The following AFG3L2 variants were observed in gnomAD, a reference collection of about 807,000 sequenced individuals.
AFG3L2 encodes mitochondrial inner membrane m-AAA protease component AFG3L2.
In AFG3L2, 54 loss-of-function variants were observed where a neutral mutation model predicts 94.5. The observed-to-expected ratio is 0.57, with a 90% CI of 0.46 to 0.72. The LOEUF is 0.72. AFG3L2 is among the 30% of genes least tolerant of loss of function. AFG3L2 has a pLI of 0.00. For synonymous variants in AFG3L2, 377 were observed against 365.5 expected, an observed-to-expected ratio of 1.03 and a Z score of -0.36; for missense variants, 754 against 994.9, an observed-to-expected ratio of 0.76 and a Z score of 3.26.
intron 13 of AFG3L2, 176 bp from the exon 14 acceptor site, chr18:12,344,423 C>T (rs1908058828): frequency 4.8e-6 from 3 of 618,758 alleles, no homozygotes; most frequent in Non-Finnish European, 8.9e-6. Context: ...GCCTGTAATC[C>T]CAGCACTTTG....
At chr18:12,375,983 AAAAAAT>A (rs917333419) in intron 1 of AFG3L2, among the ~76,000 whole-genome samples, 2 of 152,160 alleles carry the variant, frequency 1.3e-5, no homozygotes, top group African/African-American at 2.4e-5. Flanking sequence ...CCCGTCTCTT[AAAAAAT>A]AAAAATAAAA....
rs370562426 is a variant in AFG3L2, at chr18:12,351,349, G to A, written c.1383C>T (p.Pro461=). ...CGAAACGCCCCGGCCTAAGCAGCGC[G>A]GGGTCCAGGATATCTGGTCGATTGG... ...AGTNRPDILD[P]ALLRPGRFDR... The change falls in exon 11 of 17, where the codon CCC becomes CCT. Residue 461 remains proline, a synonymous_variant. Transcript: ENST00000269143. The A allele has an allele frequency of 2.1e-5, 34 of 1,613,946 alleles. No individual in the cohort carries two copies. The highest frequency in any genetic ancestry group is 8.0e-5 in the African/African-American group (6 of 74,890).
At chr18:12,332,223 A>C in intron 16 of AFG3L2, among the ~76,000 whole-genome samples, 1 of 148,920 alleles carries the variant, frequency 6.7e-6, no homozygotes. Flanking sequence ...TCCCAGGTTC[A>C]AGTGATTCTC....
rs548985083 is a variant in AFG3L2 at position 12,371,249 on chromosome 18, G to A, written c.215-323C>T. 2.0e-5 allele frequency among the ~76,000 whole-genome samples: 3 copies of A among 151,772 alleles called. No individual in the cohort carries two copies. In the South Asian group the frequency reaches 6.2e-4, roughly 32 times the overall value. ...GAATCGCTTGAACCCAGAAGGCGGA[G>A]GTTGCAGTACGCCAAGATCGCACTA... On this transcript the variant is annotated intron_variant, in intron 2 of 16. Coordinates refer to ENST00000269143, the MANE Select transcript of AFG3L2 (RefSeq NM_006796.3).
chr18:12,344,332 CT>C, intron 13 of AFG3L2, 85 bp from the exon 14 acceptor site: 2 of 1,156,338 alleles, frequency 1.7e-6, no homozygotes, highest in Non-Finnish European at 1.3e-6. Flanking sequence ...TATACATTGC[CT>C]TACCTAAAAT....
chr18:12,337,305 A>G (rs1907778060), intron 16 of AFG3L2, 36 bp downstream of exon 16: 1 of 1,601,154 alleles, frequency 6.2e-7, no homozygotes, highest in Non-Finnish European at 8.6e-7. Flanking sequence ...TTTTTTTGCA[A>G]AACTGTAAAG....
chr18:12,353,257 G>A (rs984699299), intron 9 of AFG3L2, 99 bp from the exon 10 acceptor site: 2 of 1,442,678 alleles, frequency 1.4e-6, no homozygotes, highest in Non-Finnish European at 1.9e-6. Context: ...GCTCATGCCT[G>A]TAATCCCAGC....
Position 12,337,546 on chromosome 18 carries a change from CATA to C in AFG3L2, c.1981-14_1981-12del. The C allele has an allele frequency of 6.2e-7, 1 of 1,613,402 alleles. No homozygotes were observed. On this transcript the variant is annotated splice_polypyrimidine_tract_variant and intron_variant, in intron 15 of 16. Transcript: ENST00000269143. Reference sequence around the variant, plus strand: ...GCCAAACTGAACAATCTGAAAAATACATAATTAGTGGTGATTACATATGATTGT... The same window carrying C: ...GCCAAACTGAACAATCTGAAAAATACATTAGTGGTGATTACATATGATTGT...
At chr18:12,359,729 G>A (rs963431224) in intron 7 of AFG3L2, among the ~76,000 whole-genome samples, 198 bp downstream of exon 7, 3 of 151,490 alleles carry the variant, frequency 2.0e-5, no homozygotes, top group African/African-American at 4.9e-5. Context: ...GCGACAGAGC[G>A]AAACCCCACC....
At chr18:12,336,080 G>A (rs191113950) in intron 16 of AFG3L2, among the ~76,000 whole-genome samples, 25 of 152,238 alleles carry the variant, frequency 1.6e-4, no homozygotes, top group Middle Eastern at 3.4e-3. Context: ...AGCTAGCTTC[G>A]GGAGGAATTT....
At chr18:12,334,792 A>G (rs1001200766) in intron 16 of AFG3L2, among the ~76,000 whole-genome samples, 2 of 152,126 alleles carry the variant, frequency 1.3e-5, no homozygotes, top group Non-Finnish European at 2.9e-5. Flanking sequence ...TCCTGAAATG[A>G]TCTTTTCATC....
chr18:12,351,545 T>G (rs1368398156), intron 10 of AFG3L2, 132 bp from the exon 11 acceptor site: 4 of 842,042 alleles, frequency 4.8e-6, no homozygotes, highest in Non-Finnish European at 7.7e-6. Context: ...ATCTAGTGTT[T>G]TTTGTTTTTT....
chr18:12,339,926 A>AG (rs1907891733), intron 15 of AFG3L2, among the ~76,000 whole-genome samples: 1 of 151,880 alleles, frequency 6.6e-6, no homozygotes, highest in Non-Finnish European at 1.5e-5. Flanking sequence ...AGGCTGAGGC[A>AG]GGACAATCAC....
intron 5 of AFG3L2, 150 bp downstream of exon 5, chr18:12,366,815 C>T: frequency 9.2e-7 from 1 of 1,086,006 alleles, no homozygotes; most frequent in East Asian, 2.4e-5. Context: ...TCTCTAGTTG[C>T]AGTACTTCTC....
At chr18:12,335,342 T>A (rs1907707298) in intron 16 of AFG3L2, among the ~76,000 whole-genome samples, 1 of 152,196 alleles carries the variant, frequency 6.6e-6, no homozygotes, top group Admixed American at 6.5e-5. Context: ...CATGCGTAAC[T>A]GACATCCCTC....
rs1224287253 is a variant in AFG3L2, at chr18:12,329,165, T to C, written c.*400A>G. On this transcript the variant is annotated 3_prime_UTR_variant, in exon 17 of 17. Coordinates refer to ENST00000269143, the MANE Select transcript of AFG3L2 (RefSeq NM_006796.3). ...TCACAGCCCATCTGCACAGGGGAAC[T>C]GAGGAGAAACAGGAATGAAGAGTGG... 1.4e-6 allele frequency: 1 copy of C among 702,964 alleles called. No individual in the cohort carries two copies. Among genetic ancestry groups the C allele is most frequent in the Non-Finnish European group, 2.6e-6 (1 of 385,002 alleles). The allele number at this position is 702,964 out of a possible 1,614,324, so 43.5% of individuals were successfully genotyped here. A position where few individuals can be genotyped will look rare whatever the true frequency, so the allele number is the denominator to read the frequency against.
chr18:12,374,811 A>G (rs1162417897), intron 1 of AFG3L2, among the ~76,000 whole-genome samples: 4 of 152,202 alleles, frequency 2.6e-5, no homozygotes, highest in Admixed American at 1.3e-4. Flanking sequence ...CTGTAATACT[A>G]GCACTTTGGG....
In AFG3L2 at chr18:12,341,353, A is replaced by G. The variant is rs1016550561; in HGVS notation, c.1780-952T>C. 5.6e-4 allele frequency: 86 copies of G among 152,340 alleles called. 1 individual carries two copies. Among genetic ancestry groups the G allele is most frequent in the African/African-American group, 1.9e-3 (78 of 41,572 alleles). The allele number at this position is 152,340 out of a possible 1,614,324, so 9.4% of individuals were successfully genotyped here. A position where few individuals can be genotyped will look rare whatever the true frequency, so the allele number is the denominator to read the frequency against. Reference sequence around the variant, plus strand: ...TAGAGTTCAATGAGTTTTGACAAACATAACATCAAGCCACAATGAAGATAC... The same window carrying G: ...TAGAGTTCAATGAGTTTTGACAAACGTAACATCAAGCCACAATGAAGATAC... On this transcript the variant is annotated intron_variant, in intron 14 of 16. Coordinates refer to ENST00000269143, the MANE Select transcript of AFG3L2 (RefSeq NM_006796.3).
Position 12,348,286 on chromosome 18 carries a change from T to G in AFG3L2, c.1650A>C (p.Glu550Asp). The G allele has an allele frequency of 6.2e-7, 1 of 1,613,440 alleles. No homozygotes were observed. The highest frequency in any genetic ancestry group is 8.5e-7 in the Non-Finnish European group (1 of 1,179,504). Residue 550 changes from glutamate (E) to aspartate (D), a missense_variant, in exon 13 of 17, where the codon GAA becomes GAC. Glu to Asp is a conservative substitution (Grantham distance 45). Around this residue, in one of 4 missense-constraint regions of AFG3L2, gnomAD observed 279 missense variants for 378.6 expected, o/e 0.74. Transcript: ENST00000269143. ...INQKHFEQAIERVIGGLEKKT... is the reference protein window; with the variant it reads ...INQKHFEQAIDRVIGGLEKKT... Reference sequence around the variant, plus strand: ...CAGTTTCCTTACCACCAATCACTCGTTCAATTGCCTGTTCAAAGTGTTTCT... The same window carrying G: ...CAGTTTCCTTACCACCAATCACTCGGTCAATTGCCTGTTCAAAGTGTTTCT...
Sources: gnomAD v4.1 joint callset for allele counts (sites outside exome capture counted in the v4.1 genomes callset) on GRCh38, gnomAD v4.1.1 for gene constraint, gnomAD v4.1.1 regional missense constraint, MANE v1.5 for transcripts, NCBI Gene and HGNC (gene_info 2026-07-23, HGNC 2026-07-21) for gene names.